PWP1: variants seen among roughly 807,000 people sequenced by gnomAD.
PWP1 encodes PWP1 homolog, endonuclein, also known as periodic tryptophan protein 1 homolog.
PWP1 carries 47 observed loss-of-function variants against 69.9 expected under a neutral mutation model. The ratio of observed to expected loss-of-function variants is 0.67; its 90% confidence interval spans 0.53 to 0.86. The LOEUF (loss-of-function observed/expected upper bound fraction) is 0.86. Among genes scored for constraint, PWP1 ranks in the 40% least tolerant of loss-of-function variants. PWP1 has a pLI of 0.00. For synonymous variants in PWP1, 222 were observed against 208.2 expected (o/e 1.07, Z -0.57); for missense variants, 551 against 608.8 (o/e 0.91, Z 1.00).
intron 5 of PWP1, among the ~76,000 whole-genome samples, chr12:107,693,339 G>T (rs1216493492): frequency 2.7e-5 from 4 of 150,546 alleles, no homozygotes; most frequent in Non-Finnish European, 4.4e-5. Context: ...TCATAGGGGT[G>T]TTTTTTTTTG....
chr12:107,704,490 AT>A (rs950518554), intron 10 of PWP1, 145 bp from the exon 11 acceptor site: 68 of 584,200 alleles, frequency 1.2e-4, no homozygotes, highest in Non-Finnish European at 1.7e-4. Flanking sequence ...AACTCAGCTC[AT>A]TTTTTTTCTA....
chr12:107,691,639 ACT>A (rs1369080812), intron 3 of PWP1, among the ~76,000 whole-genome samples: 1 of 151,730 alleles, frequency 6.6e-6, no homozygotes, highest in Non-Finnish European at 1.5e-5. Flanking sequence ...TAGTGGATGA[ACT>A]CTCTTCCAGA....
At chr12:107,697,727 T>C (rs766423795) in intron 7 of PWP1, 130 bp downstream of exon 7, 2 of 946,262 alleles carry the variant, frequency 2.1e-6, no homozygotes, top group Admixed American at 2.0e-5. Flanking sequence ...AGTTATGAAA[T>C]TATTGTAATT....
intron 3 of PWP1, among the ~76,000 whole-genome samples, chr12:107,692,420 TTTA>T (rs1889498393): frequency 6.6e-6 from 1 of 152,248 alleles, no homozygotes. Flanking sequence ...GCAACCCTTA[TTTA>T]TTATGTTGAT....
In PWP1 at chr12:107,705,080, G is replaced by T. The variant is rs114897608; in HGVS notation, c.1077+333G>T. Among the ~76,000 whole-genome samples, 539 of 152,008 alleles carry T rather than the reference G, an allele frequency of 3.5e-3. 3 individuals are homozygous for T. Among genetic ancestry groups the T allele is most frequent in the African/African-American group, 0.012 (489 of 41,454 alleles). ...TTTAATGGCTAAATCAGTCCAAGAT[G>T]ATATTCTTTTCTTTAAATCCTCATG... On this transcript the variant is annotated intron_variant, in intron 11 of 14. Coordinates refer to ENST00000412830, the MANE Select transcript of PWP1 (RefSeq NM_007062.3).
chr12:107,710,532 C>T (rs1210220955), intron 14 of PWP1, 22 bp downstream of exon 14: 1 of 1,573,954 alleles, frequency 6.4e-7, no homozygotes, highest in Admixed American at 1.8e-5. Flanking sequence ...TAGTTCTCTG[C>T]ACACCTCCCC....
rs1889921140 is a variant in PWP1, at chr12:107,710,272, G to T, written c.1291-133G>T. ...TGACTCTGAGCTACCTTTGCAGTAG[G>T]CTTGAAAGTGAGAATCATAAGTTGG... On this transcript the variant is annotated intron_variant, in intron 13 of 14. Coordinates refer to ENST00000412830, the MANE Select transcript of PWP1 (RefSeq NM_007062.3). The T allele has an allele frequency of 2.2e-6, 3 of 1,392,578 alleles. No homozygotes were observed. The Admixed American group carries it at 7.9e-5, about 37-fold the overall frequency. The allele number at this position is 1,392,578 out of a possible 1,614,324, so 86.3% of individuals were successfully genotyped here.
rs1024125860 is a variant in PWP1 at position 107,688,603 on chromosome 12, C to G, written c.132-12C>G. On this transcript the variant is annotated splice_polypyrimidine_tract_variant and intron_variant, in intron 2 of 14. Transcript: ENST00000412830. ...CATTTGGGTGATTCTCTTTTTCTTT[C>G]TGTGCTCATAGAGAAGAAGGTGGTG... The G allele has an allele frequency of 5.6e-6, 9 of 1,611,222 alleles. No individual in the cohort carries two copies. The highest frequency in any genetic ancestry group is 7.6e-6 in the Non-Finnish European group (9 of 1,178,264).
At position 107,712,310 on chromosome 12, in the gene PWP1, GTGAC is replaced by G; in HGVS notation, c.*94_*97del. On this transcript the variant is annotated 3_prime_UTR_variant, in exon 15 of 15. Coordinates refer to ENST00000412830, the MANE Select transcript of PWP1 (RefSeq NM_007062.3). ...CCATGCGTGGCAGCAACCATGCAGA[GTGAC>G]TGAAACACAATTCATTTCTGACTGA... 1 of 912,626 alleles carries G rather than the reference GTGAC, an allele frequency of 1.1e-6. No homozygotes were observed. Among genetic ancestry groups the G allele is most frequent in the African/African-American group, 1.6e-5 (1 of 60,694 alleles). The allele number at this position is 912,626 out of a possible 1,614,324, so 56.5% of individuals were successfully genotyped here.
intron 11 of PWP1, 77 bp downstream of exon 11, chr12:107,704,824 C>A: frequency 3.3e-6 from 4 of 1,213,922 alleles, no homozygotes; most frequent in Non-Finnish European, 4.8e-6. Flanking sequence ...AGAGAATTAT[C>A]TGAAAAGCTT....
chr12:107,710,551 G>GA, intron 14 of PWP1, 41 bp downstream of exon 14: 1 of 642,974 alleles, frequency 1.6e-6, no homozygotes, highest in Non-Finnish European at 2.1e-6. Context: ...CCCTGCCCCT[G>GA]TAAAAAAAAA....
chr12:107,689,540 G>A (rs1471386042), intron 3 of PWP1, among the ~76,000 whole-genome samples: 2 of 152,206 alleles, frequency 1.3e-5, no homozygotes, highest in Admixed American at 1.3e-4. Flanking sequence ...GAGGTCAGGA[G>A]TTCGAGACCA....
chr12:107,710,529 C>A lies in PWP1; in HGVS notation c.1396+19C>A. On this transcript the variant is annotated intron_variant, in intron 14 of 14. Coordinates refer to ENST00000412830, the MANE Select transcript of PWP1 (RefSeq NM_007062.3). ...TCTTCAGGTAAGGATTTTTAGTTCTCTGCACACCTCCCCCTGCCCCTGTAA... is the reference window on the plus strand; with the variant it reads ...TCTTCAGGTAAGGATTTTTAGTTCTATGCACACCTCCCCCTGCCCCTGTAA... 6.4e-7 allele frequency: 1 copy of A among 1,565,704 alleles called. No homozygotes were observed. Among genetic ancestry groups the A allele is most frequent in the South Asian group, 1.1e-5 (1 of 88,856 alleles).
chr12:107,686,969 CAAAAAAAAAAAAAAAAAA>C lies in PWP1; in HGVS notation c.72+1012_72+1029del, dbSNP rs61728433. Among the ~76,000 whole-genome samples, 350 of 106,922 alleles carry C rather than the reference CAAAAAAAAAAAAAAAAAA, an allele frequency of 3.3e-3. 1 individual carries two copies. Among genetic ancestry groups the C allele is most frequent in the Middle Eastern group, 0.014 (2 of 142 alleles). 70.1% of individuals were successfully genotyped at this position (106,922 alleles called of 152,430 possible). On this transcript the variant is annotated intron_variant, in intron 1 of 14. Coordinates refer to ENST00000412830, the MANE Select transcript of PWP1 (RefSeq NM_007062.3). ...CGGGCAACAGAGTGAGACTCCGTCT[CAAAAAAAAAAAAAAAAAA>C]AAAAAAAAAAAAATAGAAAAAGACC...
chr12:107,706,967 T>C (rs1889836569), intron 11 of PWP1, among the ~76,000 whole-genome samples: 1 of 152,158 alleles, frequency 6.6e-6, no homozygotes, highest in South Asian at 2.1e-4. Flanking sequence ...GGGGATGGCA[T>C]TGAATCTACA....
chr12:107,692,574 G>A (rs10778567), intron 3 of PWP1: 128,832 of 458,148 alleles, frequency 0.28, 20,703 homozygotes, highest in East Asian at 0.61. Flanking sequence ...CCCTGATACA[G>A]TTCTTTCATT....
chr12:107,710,466 A>C lies in PWP1; in HGVS notation c.1352A>C (p.Gln451Pro). Residue 451 changes from glutamine to proline, a missense_variant, in exon 14 of 15, where the codon CAA becomes CCA. Transcript: ENST00000412830. ...DLPFIYAFGGQKEGLRVWDIS... is the reference protein window; with the variant it reads ...DLPFIYAFGGPKEGLRVWDIS... Reference sequence around the variant, plus strand: ...CCATTTATTTATGCCTTTGGAGGTCAAAAAGAAGGGCTTCGGGTCTGGGAT... The same window carrying C: ...CCATTTATTTATGCCTTTGGAGGTCCAAAAGAAGGGCTTCGGGTCTGGGAT... 3.7e-6 allele frequency: 6 copies of C among 1,613,254 alleles called. No individual in the cohort carries two copies. The highest frequency in any genetic ancestry group is 2.5e-6 in the Non-Finnish European group (3 of 1,179,580).
Position 107,704,625 on chromosome 12 carries a change from A to T in PWP1, c.966-11A>T, listed in dbSNP as rs746501244. The stretch of plus-strand genomic sequence containing the variant: ...ACTCTTAAAACCCTAACTTTGCCTG[A>T]ATGTGTCTAGGTCAGTGGCTTTGTA... On this transcript the variant is annotated splice_polypyrimidine_tract_variant and intron_variant, in intron 10 of 14. Coordinates refer to ENST00000412830, the MANE Select transcript of PWP1 (RefSeq NM_007062.3). 1 of 1,609,468 alleles carries T rather than the reference A, an allele frequency of 6.2e-7. No individual in the cohort carries two copies. The highest frequency in any genetic ancestry group is 8.5e-7 in the Non-Finnish European group (1 of 1,176,628).
In PWP1 at chr12:107,697,496, CCT is replaced by C. The variant is rs1419531600; in HGVS notation, c.644_645del (p.Pro215ArgfsTer3). The C allele has an allele frequency of 3.7e-6, 6 of 1,600,686 alleles. No individual in the cohort carries two copies. Among genetic ancestry groups the C allele is most frequent in the Non-Finnish European group, 5.1e-6 (6 of 1,174,986 alleles). ...GNYIAVGNMT[P>X]VIEVWDLDIV... ...TTACATTGCTGTAGGAAACATGACC[CCT>C]GTTATTGAAGTGTGGGACCTTGATA... On this transcript the variant is annotated frameshift_variant, in exon 7 of 15. Coordinates refer to ENST00000412830, the MANE Select transcript of PWP1 (RefSeq NM_007062.3). LOFTEE classifies it high-confidence loss of function.
Sources: allele counts gnomAD v4.1 joint callset (sites outside exome capture counted in the v4.1 genomes callset), GRCh38; gene constraint gnomAD v4.1.1; transcripts MANE v1.5; gene names NCBI Gene and HGNC (gene_info 2026-07-23, HGNC 2026-07-21).